Variants in ARHGAP28 observed in about 807,000 individuals in gnomAD.
ARHGAP28 encodes the protein Rho GTPase activating protein 28.
Under a neutral mutation model 90.7 loss-of-function variants are expected in ARHGAP28, and 56 were observed. That is an observed-to-expected ratio of 0.62 (90% CI 0.50 to 0.77). The LOEUF (loss-of-function observed/expected upper bound fraction) is 0.77. Among genes scored for constraint, ARHGAP28 ranks in the 30% least tolerant of loss-of-function variants. The pLI is 0.00. For missense variants in ARHGAP28, 869 were observed against 900.9 expected (o/e 0.96, Z 0.45); for synonymous variants, 308 against 323.3 (o/e 0.95, Z 0.51).
chr18:6,749,662 C>T (rs561316059), intron 1 of ARHGAP28, among the ~76,000 whole-genome samples: 4 of 152,164 alleles, frequency 2.6e-5, no homozygotes, highest in African/African-American at 9.6e-5. Flanking sequence ...CGAGAGATAG[C>T]TTATATGTAT....
chr18:6,868,212 G>A lies in ARHGAP28; in HGVS notation c.789G>A (p.Gln263=). 6.2e-7 allele frequency: 1 copy of A among 1,614,156 alleles called. No homozygotes were observed. Among genetic ancestry groups the A allele is most frequent in the Non-Finnish European group, 8.5e-7 (1 of 1,179,984 alleles). The part of the protein sequence containing the change: ...VHSNGSPEPG[Q]PVQNAISDDD... Reference sequence around the variant, plus strand: ...CCAATGGATCACCGGAGCCTGGACAGCCAGTTCAGAATGCGATAAGTGGTG... The same window carrying A: ...CCAATGGATCACCGGAGCCTGGACAACCAGTTCAGAATGCGATAAGTGGTG... The change falls in exon 6 of 18, where the codon CAG becomes CAA. Residue 263 remains glutamine (Q), a synonymous_variant. Coordinates refer to ENST00000383472, the MANE Select transcript of ARHGAP28 (RefSeq NM_001366230.1).
chr18:6,898,274 G>T, intron 16 of ARHGAP28: 1 of 477,928 alleles, frequency 2.1e-6, no homozygotes, highest in Non-Finnish European at 3.7e-6. Context: ...AGGAAGGCAT[G>T]CTGATGGCCT....
intron 4 of ARHGAP28, among the ~76,000 whole-genome samples, chr18:6,853,473 A>AT (rs1411994829): frequency 2.8e-5 from 3 of 107,834 alleles, no homozygotes; most frequent in Non-Finnish European, 6.6e-5. Flanking sequence ...ATTGCCAATC[A>AT]ATTTTTTTTT....
chr18:6,898,162 T>C (rs1304026354), intron 16 of ARHGAP28: 1 of 258,442 alleles, frequency 3.9e-6, no homozygotes, highest in African/African-American at 2.2e-5. Context: ...GTAGTGTTTC[T>C]ACCATCAGGA....
At chr18:6,741,283 C>G (rs2055975201) in intron 1 of ARHGAP28, among the ~76,000 whole-genome samples, 1 of 152,148 alleles carries the variant, frequency 6.6e-6, no homozygotes. Context: ...TTTTAACATA[C>G]CACAACTTAA....
chr18:6,808,136 T>A (rs897112797), intron 1 of ARHGAP28, among the ~76,000 whole-genome samples: 2 of 152,232 alleles, frequency 1.3e-5, no homozygotes, highest in Non-Finnish European at 2.9e-5. Context: ...CCATCTGATA[T>A]CCTCCTATTG....
At chr18:6,876,656 G>A (rs72890679) in intron 10 of ARHGAP28, among the ~76,000 whole-genome samples, 461 of 152,236 alleles carry the variant, frequency 3.0e-3, no homozygotes, top group Non-Finnish European at 5.2e-3. Context: ...TCCATCATTC[G>A]TTGGTTTAAA....
At chr18:6,730,220 T>TATA in intron 1 of ARHGAP28, 1 of 97,046 alleles carries the variant, frequency 1.0e-5, no homozygotes, top group Non-Finnish European at 1.9e-5. Context: ...ATAAGTCATG[T>TATA]GTATATATAT....
At chr18:6,847,051 G>A (rs1786453338) in intron 3 of ARHGAP28, among the ~76,000 whole-genome samples, 1 of 152,304 alleles carries the variant, frequency 6.6e-6, no homozygotes, top group Admixed American at 6.5e-5. Flanking sequence ...TCCCACAGGA[G>A]GAGGTGATTG....
At chr18:6,733,835 A>G (rs1357354869) in intron 1 of ARHGAP28, among the ~76,000 whole-genome samples, 1 of 152,066 alleles carries the variant, frequency 6.6e-6, no homozygotes, top group East Asian at 1.9e-4. Flanking sequence ...TACAACAACA[A>G]CAAAAAAACA....
chr18:6,842,308 A>G (rs2056833674), intron 3 of ARHGAP28, among the ~76,000 whole-genome samples: 1 of 152,194 alleles, frequency 6.6e-6, no homozygotes. Context: ...TCAAGGCTGC[A>G]GTGAGCCATG....
chr18:6,840,045 T>C (rs1170784399), intron 3 of ARHGAP28, among the ~76,000 whole-genome samples: 1 of 152,214 alleles, frequency 6.6e-6, no homozygotes, highest in Non-Finnish European at 1.5e-5. Flanking sequence ...GGCTTCTTTC[T>C]TCCTTTCTTG....
At chr18:6,770,796 G>A (rs534502773) in intron 1 of ARHGAP28, among the ~76,000 whole-genome samples, 105 of 152,126 alleles carry the variant, frequency 6.9e-4, no homozygotes, top group Non-Finnish European at 1.3e-4. Context: ...GTGGGGGGTG[G>A]GGAGCCATAT....
At chr18:6,839,278 C>T (rs1202867144) in intron 3 of ARHGAP28, among the ~76,000 whole-genome samples, 3 of 150,278 alleles carry the variant, frequency 2.0e-5, no homozygotes, top group Non-Finnish European at 3.0e-5. Context: ...GTTAGATTCA[C>T]ATTAACCAGC....
chr18:6,799,836 T>A (rs1473230349), intron 1 of ARHGAP28, among the ~76,000 whole-genome samples: 1 of 152,102 alleles, frequency 6.6e-6, no homozygotes, highest in East Asian at 1.9e-4. Context: ...CTAAAAGCAA[T>A]GGCAACAGAA....
chr18:6,839,307 T>TTG (rs1239229634), intron 3 of ARHGAP28, among the ~76,000 whole-genome samples: 2 of 151,062 alleles, frequency 1.3e-5, no homozygotes, highest in Non-Finnish European at 3.0e-5. Context: ...TTTTTTTTTT[T>TTG]TTTTGAGACA....
chr18:6,796,076 T>A (rs1323985430), intron 1 of ARHGAP28, among the ~76,000 whole-genome samples: 1 of 152,194 alleles, frequency 6.6e-6, no homozygotes, highest in Admixed American at 6.5e-5. Flanking sequence ...TAGAGCAACA[T>A]ACATGGGTGT....
In ARHGAP28 at chr18:6,915,712, A is replaced by G. The variant is rs2057418934; in HGVS notation, c.*3558A>G. 6.6e-6 allele frequency: 1 copy of G among 152,224 alleles called. No homozygotes were observed. Among genetic ancestry groups the G allele is most frequent in the Non-Finnish European group, 1.5e-5 (1 of 68,054 alleles). The allele number at this position is 152,224 out of a possible 1,614,324, so 9.4% of individuals were successfully genotyped here. A position where few individuals can be genotyped will look rare whatever the true frequency, so the allele number is the denominator to read the frequency against. On this transcript the variant is annotated 3_prime_UTR_variant, in exon 18 of 18. Coordinates refer to ENST00000383472, the MANE Select transcript of ARHGAP28 (RefSeq NM_001366230.1). ...CATAAGAAATAAAGAGAAAAAAACT[A>G]AAAACATTGTATGAGAATTCTTCTA... is the stretch of plus-strand genomic sequence containing the variant.
chr18:6,827,694 C>T (rs1186070840), intron 2 of ARHGAP28, among the ~76,000 whole-genome samples: 1 of 151,678 alleles, frequency 6.6e-6, no homozygotes, highest in Non-Finnish European at 1.5e-5. Flanking sequence ...GGAGACGCTT[C>T]TCACTTCCCA....
Sources: gnomAD v4.1 joint callset for allele counts (sites outside exome capture counted in the v4.1 genomes callset) on GRCh38, gnomAD v4.1.1 for gene constraint, MANE v1.5 for transcripts, NCBI Gene and HGNC (gene_info 2026-07-23, HGNC 2026-07-21) for gene names.